Variants in CNOT4 observed in about 807,000 individuals in gnomAD.
CNOT4 encodes the protein CCR4-NOT transcription complex subunit 4.
In CNOT4, 8 loss-of-function variants were observed where a neutral mutation model predicts 73.8. That is an observed-to-expected ratio of 0.11 (90% confidence interval 0.06 to 0.20). The LOEUF (loss-of-function observed/expected upper bound fraction) is 0.20, where lower values mean the gene tolerates loss of function less well. CNOT4 is among the 10% of genes least tolerant of loss of function. The pLI is 1.00. For missense variants in CNOT4, 564 were observed against 883.4 expected (o/e 0.64, Z 4.58); for synonymous variants, 293 against 321.1 (o/e 0.91, Z 0.94).
chr7:135,476,265 C>T (rs189350867), intron 1 of CNOT4, among the ~76,000 whole-genome samples: 12 of 152,240 alleles, frequency 7.9e-5, no homozygotes, highest in Non-Finnish European at 1.2e-4. Context: ...GAAGAGGACA[C>T]CTACCCAACC....
intron 1 of CNOT4, among the ~76,000 whole-genome samples, chr7:135,460,855 G>A (rs1186922675): frequency 4.6e-5 from 7 of 152,090 alleles, no homozygotes; most frequent in Non-Finnish European, 8.8e-5. Flanking sequence ...TGCCTGAAAC[G>A]GTTCTATGTG....
In CNOT4 at chr7:135,377,457, C is replaced by T. The variant is rs111650194; in HGVS notation, c.1628-13391G>A. Among the ~76,000 whole-genome samples the T allele has an allele frequency of 3.0e-4, 45 of 152,266 alleles. 1 individual carries two copies. The highest frequency in any genetic ancestry group is 1.0e-3 in the African/African-American group (43 of 41,552). On this transcript the variant is annotated intron_variant, in intron 10 of 11. Coordinates refer to ENST00000541284, the MANE Select transcript of CNOT4 (RefSeq NM_001190850.2). Reference sequence around the variant, plus strand: ...ACCTTCCACTCAATTTTGCTGTGAACCTAAAATAGCTCTAAAAATTAAAGT... The same window carrying T: ...ACCTTCCACTCAATTTTGCTGTGAATCTAAAATAGCTCTAAAAATTAAAGT...
At chr7:135,402,982 G>A (rs1797079835) in intron 7 of CNOT4, among the ~76,000 whole-genome samples, 1 of 152,096 alleles carries the variant, frequency 6.6e-6, no homozygotes, top group Non-Finnish European at 1.5e-5. Context: ...CATTTTCAAG[G>A]ATGGGGGTGG....
At chr7:135,488,090 A>G (rs570623081) in intron 1 of CNOT4, among the ~76,000 whole-genome samples, 59 of 152,324 alleles carry the variant, frequency 3.9e-4, no homozygotes, top group African/African-American at 1.3e-3. Flanking sequence ...AAAAGAAAAA[A>G]AAAGCATTCT....
chr7:135,456,135 G>A (rs1237603061), intron 1 of CNOT4, among the ~76,000 whole-genome samples: 12 of 152,208 alleles, frequency 7.9e-5, no homozygotes, highest in Non-Finnish European at 1.5e-4. Context: ...AAATGCAAAG[G>A]CAGTCACAGG....
intron 2 of CNOT4, among the ~76,000 whole-genome samples, chr7:135,435,626 T>A (rs2129485228): frequency 6.6e-6 from 1 of 152,352 alleles, no homozygotes; most frequent in Non-Finnish European, 1.5e-5. Context: ...TGTTAGGATC[T>A]TCTATTTACT....
chr7:135,440,703 C>G (rs1370555513), intron 1 of CNOT4, among the ~76,000 whole-genome samples: 1 of 152,088 alleles, frequency 6.6e-6, no homozygotes, highest in African/African-American at 2.4e-5. Context: ...AGGTGAATCA[C>G]GAGGTCAAGA....
intron 7 of CNOT4, among the ~76,000 whole-genome samples, chr7:135,401,121 G>GA (rs372995980): frequency 1.1e-4 from 16 of 152,288 alleles, no homozygotes; most frequent in African/African-American, 3.6e-4. Flanking sequence ...TGGCTGGAGA[G>GA]AAAAGAGTTA....
Position 135,395,863 on chromosome 7 carries a change from A to G in CNOT4, c.900T>C (p.Pro300=), listed in dbSNP as rs1270796752. 5 of 1,607,940 alleles carry G rather than the reference A, an allele frequency of 3.1e-6. No individual in the cohort carries two copies. The African/African-American group carries it at 5.3e-5, about 17-fold the overall frequency. Residue 300 remains proline, a synonymous_variant, in exon 9 of 12, where the codon CCT becomes CCC. Transcript: ENST00000541284. The part of the protein sequence containing the change: ...NSQQISNSDT[P]SPPPGLSKSN... Reference sequence around the variant, plus strand: ...ATTTTGACAAACCAGGTGGTGGTGAAGGCGTATCACTGTTAGATATCTGAA... The same window carrying G: ...ATTTTGACAAACCAGGTGGTGGTGAGGGCGTATCACTGTTAGATATCTGAA...
At chr7:135,446,358 A>G (rs562312058) in intron 1 of CNOT4, among the ~76,000 whole-genome samples, 61 of 152,342 alleles carry the variant, frequency 4.0e-4, no homozygotes, top group African/African-American at 1.2e-3. Context: ...TTAAATAACA[A>G]TGTGAATGTA....
At chr7:135,403,146 A>G (rs1180030843) in intron 7 of CNOT4, among the ~76,000 whole-genome samples, 1 of 152,238 alleles carries the variant, frequency 6.6e-6, no homozygotes. Context: ...AAAAGTCAAC[A>G]TAACAGACAT....
chr7:135,494,065 CAAAAA>C (rs34917518), intron 1 of CNOT4, among the ~76,000 whole-genome samples: 1 of 119,596 alleles, frequency 8.4e-6, no homozygotes, highest in Non-Finnish European at 1.8e-5. Context: ...AAACCTGTAC[CAAAAA>C]AAAAAAAAAA....
intron 1 of CNOT4, among the ~76,000 whole-genome samples, chr7:135,499,083 A>G (rs576988916): frequency 1.3e-5 from 2 of 152,236 alleles, no homozygotes; most frequent in Non-Finnish European, 2.9e-5. Context: ...CAATCCTGAC[A>G]TATTAAAAGA....
At position 135,482,612 on chromosome 7, in the gene CNOT4, T is replaced by C. The variant is rs10274206; in HGVS notation, c.-93+27277A>G. On this transcript the variant is annotated intron_variant, in intron 1 of 11. Coordinates refer to ENST00000541284, the MANE Select transcript of CNOT4 (RefSeq NM_001190850.2). ...GCCAGGTATCAAAACCAGACAAAGATATCACAAAAAAAGGAAAAAAAAGAG... is the reference window on the plus strand; with the variant it reads ...GCCAGGTATCAAAACCAGACAAAGACATCACAAAAAAAGGAAAAAAAAGAG... 3.8e-3 allele frequency among the ~76,000 whole-genome samples: 556 copies of C among 146,750 alleles called. 5 individuals carry two copies. Among genetic ancestry groups the C allele is most frequent in the African/African-American group, 0.013 (525 of 39,734 alleles).
rs573092971 is a variant in CNOT4, at chr7:135,465,634, C to T, written c.-92-27211G>A. Among the ~76,000 whole-genome samples, 31 of 152,148 alleles carry T rather than the reference C, an allele frequency of 2.0e-4. 1 individual carries two copies. The highest frequency in any genetic ancestry group is 3.4e-3 in the Middle Eastern group (1 of 294). ...GGCACTGTTATCAGAGATGACAGTT[C>T]CATGTCCAGTGGGACAAGATATGGA... On this transcript the variant is annotated intron_variant, in intron 1 of 11. Coordinates refer to ENST00000541284, the MANE Select transcript of CNOT4 (RefSeq NM_001190850.2).
At chr7:135,485,114 C>T (rs755190715) in intron 1 of CNOT4, among the ~76,000 whole-genome samples, 3 of 152,132 alleles carry the variant, frequency 2.0e-5, no homozygotes, top group Non-Finnish European at 4.4e-5. Context: ...CGCTCTGTCA[C>T]CAGGCTGGAG....
At position 135,381,959 on chromosome 7, in the gene CNOT4, T is replaced by C. The variant is rs760364664; in HGVS notation, c.1627+11959A>G. ...AAGCACAGTATGTTCCAGGGTCAGC[T>C]TGGAGCTTCCAGGAACTCTTAGAAT... On this transcript the variant is annotated intron_variant, in intron 10 of 11. Transcript: ENST00000541284. 9.2e-5 allele frequency among the ~76,000 whole-genome samples: 14 copies of C among 152,306 alleles called. No individual in the cohort carries two copies. The South Asian group carries it at 2.3e-3, about 25-fold the overall frequency.
At position 135,441,968 on chromosome 7, in the gene CNOT4, A is replaced by G. The variant is rs552232038; in HGVS notation, c.-92-3545T>C. On this transcript the variant is annotated intron_variant, in intron 1 of 11. Transcript: ENST00000541284. ...CCACAGAAGCCAGCTGCCAAAAGTA[A>G]TCTCATAAATGGTAAAAGGTAGGAG... Among the ~76,000 whole-genome samples, 6 of 152,296 alleles carry G rather than the reference A, an allele frequency of 3.9e-5. No individual in the cohort carries two copies. The East Asian group carries it at 9.7e-4, about 25-fold the overall frequency.
At chr7:135,399,102 TC>T (rs1486426717) in intron 7 of CNOT4, among the ~76,000 whole-genome samples, 2 of 152,086 alleles carry the variant, frequency 1.3e-5, no homozygotes, top group East Asian at 3.8e-4. Context: ...AAATAAAATC[TC>T]TATAAGCACT....
Sources: gnomAD v4.1 joint callset for allele counts (sites outside exome capture counted in the v4.1 genomes callset) on GRCh38, gnomAD v4.1.1 for gene constraint, MANE v1.5 for transcripts, NCBI Gene and HGNC (gene_info 2026-07-23, HGNC 2026-07-21) for gene names.